ZNF112: variants seen among roughly 807,000 people sequenced by gnomAD.
ZNF112 encodes the protein zinc finger protein 112 (Y14).
A neutral mutation model predicts 77.7 loss-of-function variants in ZNF112; 37 were observed. The observed-to-expected ratio is 0.48, with a 90% CI of 0.37 to 0.63. ZNF112 has a LOEUF of 0.63. ZNF112 is among the 20% of genes least tolerant of loss of function. The pLI, the probability that ZNF112 is intolerant of heterozygous loss-of-function variation, is 0.00. For synonymous variants in ZNF112, 333 were observed against 363.6 expected, an observed-to-expected ratio of 0.92 and a Z score of 0.96; for missense variants, 950 against 1,077.4, an observed-to-expected ratio of 0.88 and a Z score of 1.66.
upstream of ZNF112, among the ~76,000 whole-genome samples, chr19:44,359,640 C>T (rs974188557): frequency 1.8e-4 from 27 of 152,078 alleles, no homozygotes; most frequent in African/African-American, 6.3e-4. Flanking sequence ...TTTTTCTGCT[C>T]TTTCAGAAAT....
At chr19:44,358,399 A>C (rs1350248991), upstream of ZNF112, among the ~76,000 whole-genome samples, 1 of 152,204 alleles carries the variant, frequency 6.6e-6, no homozygotes, top group Non-Finnish European at 1.5e-5. Context: ...CATCTGGCAG[A>C]GGAAAGATGA....
intron 2 of ZNF112, among the ~76,000 whole-genome samples, chr19:44,338,007 A>G (rs2123168379): frequency 6.6e-6 from 1 of 151,266 alleles, no homozygotes; most frequent in East Asian, 1.9e-4. Context: ...AGATAATTCC[A>G]GAGCCAAGGC....
intron 1 of ZNF112, among the ~76,000 whole-genome samples, chr19:44,344,557 G>A (rs1599928149): frequency 6.6e-6 from 1 of 152,116 alleles, no homozygotes; most frequent in African/African-American, 2.4e-5. Context: ...ACTTGGCTGC[G>A]TAATCAGCAG....
chr19:44,328,379 TG>T lies in ZNF112; in HGVS notation c.1777del (p.His593IlefsTer148). 1 of 1,614,098 alleles carries T rather than the reference TG, an allele frequency of 6.2e-7. No homozygotes were observed. The highest frequency in any genetic ancestry group is 8.5e-7 in the Non-Finnish European group (1 of 1,179,998). On this transcript the variant is annotated frameshift_variant, in exon 4 of 4. Transcript: ENST00000354340. LOFTEE classifies it high-confidence loss of function. ...TTTTTCTCCAGTGTGAACTCTCTGA[TG>T]GCCTTGAAGGTATGAATTTCGACTG... ...GFSRNSYLQG[H>X]QRVHTGEKPY... is the part of the protein sequence containing the mutation.
rs532186812 is a variant in ZNF112 at position 44,328,471 on chromosome 19, A to G, written c.1686T>C (p.Leu562=). 177 of 1,614,122 alleles carry G rather than the reference A, an allele frequency of 1.1e-4. 1 individual carries two copies. The South Asian group carries it at 1.8e-3, about 17-fold the overall frequency. Reference sequence around the variant, plus strand: ...CAGTGTGGACTCTCTGATGGGCTTGAAGATATGAACTCCGACTGAATCCCT... The same window carrying G: ...CAGTGTGGACTCTCTGATGGGCTTGGAGATATGAACTCCGACTGAATCCCT... The part of the protein sequence containing the change: ...CDKGFSRSSY[L]QAHQRVHTGE... Residue 562 remains leucine (L), a synonymous_variant, in exon 4 of 4, where the codon CTT becomes CTC. Coordinates refer to ENST00000354340, the MANE Select transcript of ZNF112 (RefSeq NM_013380.4).
intron 1 of ZNF112, among the ~76,000 whole-genome samples, chr19:44,348,510 T>C (rs1599931957): frequency 6.6e-6 from 1 of 152,160 alleles, no homozygotes; most frequent in South Asian, 2.1e-4. Flanking sequence ...ATGTTATCTT[T>C]TTCATAAAAC....
chr19:44,344,117 G>A (rs1328749449), intron 1 of ZNF112, among the ~76,000 whole-genome samples: 1 of 152,164 alleles, frequency 6.6e-6, no homozygotes, highest in Non-Finnish European at 1.5e-5. Context: ...AAACCTGTGA[G>A]ACTACTACAT....
chr19:44,366,387 C>T (rs1361755685), intron 1 of ZNF112, among the ~76,000 whole-genome samples: 2 of 151,988 alleles, frequency 1.3e-5, no homozygotes, highest in South Asian at 2.1e-4. Flanking sequence ...ACCCTCCCTC[C>T]TTCCTTCCTA....
chr19:44,351,383 C>T (rs1330842963), intron 1 of ZNF112, among the ~76,000 whole-genome samples: 2 of 152,130 alleles, frequency 1.3e-5, no homozygotes, highest in Non-Finnish European at 2.9e-5. Flanking sequence ...TCTTTCAACT[C>T]ATTGATATTC....
intron 1 of ZNF112, among the ~76,000 whole-genome samples, chr19:44,365,281 C>T (rs1447636017): frequency 6.6e-6 from 1 of 151,990 alleles, no homozygotes; most frequent in Non-Finnish European, 1.5e-5. Flanking sequence ...TGGTAAAAAA[C>T]CACCTCTACA....
At chr19:44,335,737 T>C (rs988729505) in intron 3 of ZNF112, among the ~76,000 whole-genome samples, 4 of 152,356 alleles carry the variant, frequency 2.6e-5, no homozygotes, top group Admixed American at 6.5e-5. Context: ...AAGGGTACCA[T>C]GTAGGACCCT....
In ZNF112 at chr19:44,328,348, G is replaced by A. The variant is rs1222996227; in HGVS notation, c.1809C>T (p.Tyr603=). 2 of 1,611,028 alleles carry A rather than the reference G, an allele frequency of 1.2e-6. No homozygotes were observed. The highest frequency in any genetic ancestry group is 1.7e-6 in the Non-Finnish European group (2 of 1,179,276). The change falls in exon 4 of 4, where the codon TAC becomes TAT. Residue 603 remains tyrosine (Y), a synonymous_variant. Coordinates refer to ENST00000354340, the MANE Select transcript of ZNF112 (RefSeq NM_013380.4). ...HQRVHTGEKP[Y]KCEECGKGFS... ...AGCCCTTCCCACACTCCTCACACTTGTATGGTTTTTCTCCAGTGTGAACTC... is the reference window on the plus strand; with the variant it reads ...AGCCCTTCCCACACTCCTCACACTTATATGGTTTTTCTCCAGTGTGAACTC...
intron 1 of ZNF112, among the ~76,000 whole-genome samples, chr19:44,362,970 T>TA (rs1169132972): frequency 1.3e-5 from 2 of 152,016 alleles, no homozygotes; most frequent in African/African-American, 4.8e-5. Flanking sequence ...AATATTTTAC[T>TA]AAAAAAAATT....
rs543250623 is a variant in ZNF112, at chr19:44,334,148, C to T, written c.220+2475G>A. Among the ~76,000 whole-genome samples, 6 of 152,280 alleles carry T rather than the reference C, an allele frequency of 3.9e-5. No individual in the cohort carries two copies. The South Asian group carries it at 1.2e-3, about 32-fold the overall frequency. Reference sequence around the variant, plus strand: ...TAAATGCATTTATACATTTTCCCAACATTGGTGCTATGCTTTAGCAAAGAG... The same window carrying T: ...TAAATGCATTTATACATTTTCCCAATATTGGTGCTATGCTTTAGCAAAGAG... On this transcript the variant is annotated intron_variant, in intron 3 of 3. Transcript: ENST00000354340.
upstream of ZNF112, among the ~76,000 whole-genome samples, chr19:44,358,651 T>A (rs1167735895): frequency 6.6e-6 from 1 of 152,184 alleles, no homozygotes; most frequent in Non-Finnish European, 1.5e-5. Flanking sequence ...GCACATAAGA[T>A]TTGCACAAAT....
At position 44,328,531 on chromosome 19, in the gene ZNF112, T is replaced by G. The variant is rs2609880; in HGVS notation, c.1626A>C (p.Thr542=). ...SVLNVHQRVH[T]GEKPYKCEEC... is the part of the protein sequence containing the mutation. The stretch of plus-strand genomic sequence containing the variant: ...CCTCGCATTTATAAGGTTTCTCTCC[T>G]GTGTGGACTCTCTGATGAACATTCA... The change falls in exon 4 of 4, where the codon ACA becomes ACC. Residue 542 remains threonine (T), a synonymous_variant. Coordinates refer to ENST00000354340, the MANE Select transcript of ZNF112 (RefSeq NM_013380.4). 1,033,456 of 1,612,868 alleles carry G rather than the reference T, an allele frequency of 0.64. 332,694 individuals are homozygous for G. Among genetic ancestry groups the G allele is most frequent in the Admixed American group, 0.76 (45,535 of 59,948 alleles).
At position 44,327,669 on chromosome 19, in the gene ZNF112, C is replaced by T. The variant is rs1368883568; in HGVS notation, c.2488G>A (p.Glu830Lys). ...VHTGEKPYKC[E>K]VCGKGFSQRS... ...TGACTGAAGCCCTTTCCACATACCT[C>T]ACATTTGTATGGTTTCTCTCCTGTG... Residue 830 changes from glutamate to lysine, a missense_variant, in exon 4 of 4, where the codon GAG (glutamate) becomes AAG (lysine). Physicochemically the swap from Glu to Lys is moderately conservative, Grantham distance 56. This residue lies in a region of ZNF112 where 373 missense variants were observed against 482.8 expected (regional missense o/e 0.77). Transcript: ENST00000354340. 6.2e-7 allele frequency: 1 copy of T among 1,613,934 alleles called. No individual in the cohort carries two copies. Among genetic ancestry groups the T allele is most frequent in the East Asian group, 2.2e-5 (1 of 44,878 alleles).
intron 3 of ZNF112, among the ~76,000 whole-genome samples, chr19:44,331,285 G>C (rs1431542849): frequency 6.6e-6 from 1 of 152,172 alleles, no homozygotes; most frequent in East Asian, 1.9e-4. Flanking sequence ...CATTAGCCAG[G>C]AACAGAACTC....
chr19:44,332,139 C>T (rs1398456331), intron 3 of ZNF112, among the ~76,000 whole-genome samples: 3 of 152,096 alleles, frequency 2.0e-5, no homozygotes, highest in Admixed American at 6.6e-5. Flanking sequence ...AATATAATTG[C>T]ACCTGTGAAC....
Sources: allele counts gnomAD v4.1 joint callset (sites outside exome capture counted in the v4.1 genomes callset), GRCh38; gene constraint gnomAD v4.1.1; regional missense constraint gnomAD v4.1.1; transcripts MANE v1.5; gene names NCBI Gene and HGNC (gene_info 2026-07-23, HGNC 2026-07-21).